ACSF2: variants seen among roughly 807,000 people sequenced by gnomAD.
ACSF2 encodes medium-chain acyl-CoA ligase ACSF2, mitochondrial.
In ACSF2, 52 loss-of-function variants were observed where a neutral mutation model predicts 79.3. The ratio of observed to expected loss-of-function variants is 0.66; its 90% CI spans 0.53 to 0.83. The LOEUF is 0.83. Ranked by LOEUF, ACSF2 falls within the 40% of genes least tolerant of loss-of-function variation. The pLI is 0.00. For missense variants in ACSF2, 661 were observed against 803.3 expected, an observed-to-expected ratio of 0.82 and a Z score of 2.14; for synonymous variants, 283 against 312.6, an observed-to-expected ratio of 0.91 and a Z score of 1.00.
At chr17:50,465,474 A>C in intron 10 of ACSF2, 4 of 1,611,578 alleles carry the variant, frequency 2.5e-6, no homozygotes, top group Non-Finnish European at 3.4e-6. Flanking sequence ...GCTGGGGAAG[A>C]AGGTGGGAGT....
Position 50,463,541 on chromosome 17 carries a change from C to A in ACSF2, c.1035C>A (p.Ile345=). Residue 345 remains isoleucine, a synonymous_variant, in exon 8 of 16, where the codon ATC becomes ATA. Transcript: ENST00000300441. This position sits in a 1 kb window ranked among gnomAD's most constrained non-coding sequence, Gnocchi z 4.6. ...ATGGCAAGAAGGCACTGGAGGCCAT[C>A]AGCAGAGAGAGGTGGGCACTGGTGG... ...IFNGKKALEA[I]SRERGTFLYG... 6.2e-7 allele frequency: 1 copy of A among 1,614,050 alleles called. No individual in the cohort carries two copies. The highest frequency in any genetic ancestry group is 1.1e-5 in the South Asian group (1 of 91,054).
intron 1 of ACSF2, among the ~76,000 whole-genome samples, chr17:50,436,439 A>G (rs1466446873): frequency 1.8e-5 from 2 of 108,466 alleles, no homozygotes; most frequent in Non-Finnish European, 3.9e-5. Context: ...TGTTGTTGTT[A>G]TTATTTTCCT....
At chr17:50,439,210 A>G (rs2030687459) in intron 1 of ACSF2, among the ~76,000 whole-genome samples, 1 of 142,226 alleles carries the variant, frequency 7.0e-6, no homozygotes. Context: ...AGCTGGAACG[A>G]CAGGTGCATG....
chr17:50,473,086 C>A (rs1362351105), intron 12 of ACSF2: 1 of 155,298 alleles, frequency 6.4e-6, no homozygotes, highest in Non-Finnish European at 1.4e-5. Context: ...TGAAACCCCA[C>A]CTCTACTAAA....
intron 10 of ACSF2, chr17:50,465,165 C>A: frequency 9.1e-7 from 1 of 1,101,454 alleles, no homozygotes; most frequent in East Asian, 2.4e-5. Flanking sequence ...CCCAGTCGTC[C>A]CCTCCTCTCT....
chr17:50,432,953 T>A (rs2030066550), intron 1 of ACSF2, among the ~76,000 whole-genome samples: 1 of 152,196 alleles, frequency 6.6e-6, no homozygotes, highest in African/African-American at 2.4e-5. Flanking sequence ...GCAGCCTTCA[T>A]ACGTGTGTGA....
intron 1 of ACSF2, among the ~76,000 whole-genome samples, chr17:50,430,117 G>A (rs1915387825): frequency 6.6e-6 from 1 of 152,188 alleles, no homozygotes; most frequent in African/African-American, 2.4e-5. Flanking sequence ...CTCAGAATTA[G>A]GTGTGGTGCT....
intron 10 of ACSF2, among the ~76,000 whole-genome samples, chr17:50,466,150 G>A (rs1057270437): frequency 7.0e-6 from 1 of 142,708 alleles, no homozygotes; most frequent in African/African-American, 2.7e-5. Flanking sequence ...ACAGTGGCAC[G>A]ATCTCAGCTC....
chr17:50,462,619 T>A (rs200301561), intron 6 of ACSF2, 34 bp downstream of exon 6: 3 of 1,602,676 alleles, frequency 1.9e-6, no homozygotes, highest in Non-Finnish European at 2.6e-6. Context: ...CAAGCCCAGA[T>A]GGACACATGC....
At chr17:50,468,700 G>T (rs1208744088) in intron 10 of ACSF2, 1 of 1,613,354 alleles carries the variant, frequency 6.2e-7, no homozygotes, top group Non-Finnish European at 8.5e-7. Flanking sequence ...CCACCTTGTC[G>T]CAGATGACGT....
chr17:50,426,937 G>A (rs1354603622), intron 1 of ACSF2: 2 of 1,535,766 alleles, frequency 1.3e-6, no homozygotes, highest in South Asian at 1.2e-5. Context: ...GGCAGGCAGA[G>A]GATTTCAGTT....
chr17:50,471,412 G>C lies in ACSF2; in HGVS notation c.1323+277G>C. ...GAGGTGTGTTTTTGCCAAGCCCACT[G>C]TCTGTTTCAGGGCAGCCAGGGTAGC... On this transcript the variant is annotated intron_variant, in intron 11 of 15. Transcript: ENST00000300441. This position sits in a 1 kb window ranked among gnomAD's most constrained non-coding sequence, Gnocchi z 4.1. 1 of 457,330 alleles carries C rather than the reference G, an allele frequency of 2.2e-6. No homozygotes were observed. Among genetic ancestry groups the C allele is most frequent in the Non-Finnish European group, 4.0e-6 (1 of 246,952 alleles). 28.3% of individuals were successfully genotyped at this position (457,330 alleles called of 1,614,324 possible).
intron 1 of ACSF2, among the ~76,000 whole-genome samples, chr17:50,448,446 G>C (rs2031439393): frequency 6.6e-6 from 1 of 152,182 alleles, no homozygotes; most frequent in African/African-American, 2.4e-5. Flanking sequence ...CATTCACAAG[G>C]GGAGGGGAGT....
intron 10 of ACSF2, chr17:50,465,810 G>A (rs769074651): frequency 1.1e-5 from 17 of 1,613,702 alleles, no homozygotes; most frequent in Middle Eastern, 1.6e-4. Flanking sequence ...TGGTTCAAGC[G>A]GTTGTTCTCC....
At chr17:50,433,603 A>T (rs990410360) in intron 1 of ACSF2, among the ~76,000 whole-genome samples, 1 of 152,140 alleles carries the variant, frequency 6.6e-6, no homozygotes, top group African/African-American at 2.4e-5. Context: ...CTATTCCAAA[A>T]GAAAACCTGC....
chr17:50,426,496 G>T, intron 1 of ACSF2, 107 bp downstream of exon 1: 1 of 1,240,762 alleles, frequency 8.1e-7, no homozygotes. Context: ...GTGCACTGGG[G>T]GGAAGGTACC....
chr17:50,464,659 G>T (rs144893851), intron 10 of ACSF2: 6 of 475,364 alleles, frequency 1.3e-5, no homozygotes, highest in Non-Finnish European at 2.5e-5. Context: ...CAAGGGGTGG[G>T]GCAAGGATCT....
intron 10 of ACSF2, among the ~76,000 whole-genome samples, chr17:50,469,723 G>C (rs1404710088): frequency 6.6e-6 from 1 of 152,096 alleles, no homozygotes; most frequent in Non-Finnish European, 1.5e-5. Flanking sequence ...GTCAGGACCC[G>C]CCCCTGAGGG....
Position 50,448,215 on chromosome 17 carries a change from A to G in ACSF2, c.129-12462A>G, listed in dbSNP as rs143657970. 8.5e-5 allele frequency among the ~76,000 whole-genome samples: 13 copies of G among 152,380 alleles called. No homozygotes were observed. In the East Asian group the frequency reaches 2.5e-3, roughly 29 times the overall value. On this transcript the variant is annotated intron_variant, in intron 1 of 15. Transcript: ENST00000300441. ...TGTTACTGTCCTAAAGACTGTAGGC[A>G]ATTGTAACACAAGGGTAAGTAGTCG... is the stretch of plus-strand genomic sequence containing the variant.
Sources: gnomAD v4.1 joint callset for allele counts (sites outside exome capture counted in the v4.1 genomes callset) on GRCh38, gnomAD v4.1.1 for gene constraint, Gnocchi (gnomAD v3.1) non-coding constraint, MANE v1.5 for transcripts, NCBI Gene and HGNC (gene_info 2026-07-23, HGNC 2026-07-21) for gene names.